The following SSH2 variants were observed in gnomAD, a reference collection of about 807,000 sequenced individuals.
The protein encoded by SSH2 is protein phosphatase Slingshot homolog 2.
In SSH2, 37 loss-of-function variants were observed where a neutral mutation model predicts 135.2. The observed-to-expected ratio is 0.27, with a 90% confidence interval of 0.21 to 0.36. SSH2 has a LOEUF of 0.36. Ranked by LOEUF, SSH2 falls within the 10% of genes least tolerant of loss-of-function variation. The probability of loss-of-function intolerance (pLI) is 1.00; values close to 1 mark genes in which losing one functional copy is unlikely to be tolerated. For synonymous variants in SSH2, 628 were observed against 646.2 expected, an observed-to-expected ratio of 0.97 and a Z score of 0.43; for missense variants, 1,408 against 1,765.3, an observed-to-expected ratio of 0.80 and a Z score of 3.63.
chr17:29,716,481 G>C, intron 3 of SSH2: 1 of 698,564 alleles, frequency 1.4e-6, no homozygotes, highest in Non-Finnish European at 2.6e-6. Context: ...CCAGCAGCAT[G>C]CTGGTTAACA....
rs534653996 is a variant in SSH2, at chr17:29,653,601, T to C, written c.1079+1960A>G. 7.2e-3 allele frequency among the ~76,000 whole-genome samples: 1,092 copies of C among 152,046 alleles called. 9 individuals are homozygous for C. The highest frequency in any genetic ancestry group is 0.035 in the South Asian group (170 of 4,808). On this transcript the variant is annotated intron_variant, in intron 12 of 15. Transcript: ENST00000540801. The stretch of plus-strand genomic sequence containing the variant: ...CCAGAAGTACAGATTTTTTTTTTTT[T>C]CCCCAGACAGAGTCTCACTCTGTTG...
chr17:29,841,320 C>CAA (rs1416152522), intron 2 of SSH2, among the ~76,000 whole-genome samples: 1 of 152,166 alleles, frequency 6.6e-6, no homozygotes, highest in African/African-American at 2.4e-5. Context: ...GTATAAAACA[C>CAA]AAAGTATAAA....
intron 3 of SSH2, among the ~76,000 whole-genome samples, chr17:29,706,676 C>T (rs1462000043): frequency 3.9e-5 from 6 of 152,140 alleles, no homozygotes; most frequent in African/African-American, 1.2e-4. Flanking sequence ...AAAATAAAGG[C>T]TAAATATTCT....
intron 3 of SSH2, among the ~76,000 whole-genome samples, chr17:29,713,911 CA>C (rs1239581858): frequency 6.6e-6 from 1 of 152,128 alleles, no homozygotes; most frequent in Non-Finnish European, 1.5e-5. Context: ...GAACTGGTCT[CA>C]AGTAACTTCC....
chr17:29,906,105 C>G (rs1339209654), intron 1 of SSH2, among the ~76,000 whole-genome samples: 1 of 152,182 alleles, frequency 6.6e-6, no homozygotes, highest in Non-Finnish European at 1.5e-5. Flanking sequence ...CTTCTTCACC[C>G]TTCATTTGTC....
chr17:29,684,207 C>T (rs1391155163), intron 6 of SSH2, among the ~76,000 whole-genome samples: 6 of 151,952 alleles, frequency 3.9e-5, no homozygotes, highest in Non-Finnish European at 7.4e-5. Flanking sequence ...TGGGGCCAGG[C>T]ACGGTGGCTC....
chr17:29,777,494 A>G (rs1487445928), intron 3 of SSH2: 1 of 152,248 alleles, frequency 6.6e-6, no homozygotes, highest in Non-Finnish European at 1.5e-5. Context: ...GTGCACTGAA[A>G]TAATGAAAAT....
intron 1 of SSH2, among the ~76,000 whole-genome samples, chr17:29,861,562 ATCT>A (rs148313746): frequency 0.02 from 2,643 of 135,022 alleles, 77 homozygotes; most frequent in African/African-American, 0.061. Context: ...CACCACCATA[ATCT>A]TCTTCTTTTT....
At chr17:29,728,334 G>A (rs554028859) in intron 3 of SSH2, among the ~76,000 whole-genome samples, 72 of 152,134 alleles carry the variant, frequency 4.7e-4, no homozygotes, top group African/African-American at 1.6e-3. Flanking sequence ...TAAATACCTC[G>A]GAATTAACCA....
chr17:29,686,314 T>C (rs918800017), intron 5 of SSH2, among the ~76,000 whole-genome samples: 2 of 152,094 alleles, frequency 1.3e-5, no homozygotes, highest in Non-Finnish European at 2.9e-5. Context: ...TCGAGTTATA[T>C]AGTCTAGGCT....
In SSH2 at chr17:29,631,680, C is replaced by G; in HGVS notation, c.3514G>C (p.Glu1172Gln). 1 of 1,614,212 alleles carries G rather than the reference C, an allele frequency of 6.2e-7. No homozygotes were observed. The highest frequency in any genetic ancestry group is 8.5e-7 in the Non-Finnish European group (1 of 1,180,038). ...QTMVHLEGFT[E>Q]QSSTTDEPSA... ...GGCTCATCTGTAGTGCTGCTCTGCT[C>G]TGTGAAGCCCTCCAGGTGAACCATA... Residue 1172 changes from glutamate (E) to glutamine (Q), a missense_variant, in exon 16 of 16, where the codon GAG becomes CAG. By Grantham distance (29) the Glu-to-Gln change is conservative. Coordinates refer to ENST00000540801, the MANE Select transcript of SSH2 (RefSeq NM_001282129.2).
At chr17:29,705,309 A>C (rs747247777) in intron 3 of SSH2, among the ~76,000 whole-genome samples, 2 of 152,278 alleles carry the variant, frequency 1.3e-5, no homozygotes, top group South Asian at 4.1e-4. Flanking sequence ...GAAAATTTCA[A>C]ACATACACAA....
In SSH2 at chr17:29,757,738, A is replaced by G. The variant is rs1300667967; in HGVS notation, c.188+36156T>C. On this transcript the variant is annotated intron_variant, in intron 3 of 15. Transcript: ENST00000540801. ...AGATGCTGTCTCTACAAAAAAAAAA[A>G]AAAAAGAGAGAGAGAGAGAATTGCT... Among the ~76,000 whole-genome samples the G allele has an allele frequency of 4.4e-5, 6 of 135,584 alleles. No homozygotes were observed. In the South Asian group the frequency reaches 1.0e-3, roughly 24 times the overall value. The allele number at this position is 135,584 out of a possible 152,430, so 88.9% of individuals were successfully genotyped here. A position where few individuals can be genotyped will look rare whatever the true frequency, so the allele number is the denominator to read the frequency against.
intron 1 of SSH2, among the ~76,000 whole-genome samples, chr17:29,854,009 G>A (rs990273532): frequency 2.0e-5 from 3 of 151,352 alleles, no homozygotes; most frequent in African/African-American, 7.3e-5. Context: ...CACTATTACT[G>A]CTGCTTCTAA....
intron 2 of SSH2, among the ~76,000 whole-genome samples, chr17:29,794,727 T>A (rs1216530731): frequency 6.6e-6 from 1 of 152,174 alleles, no homozygotes; most frequent in African/African-American, 2.4e-5. Context: ...ATTTTACAGA[T>A]GAAGAAGCAA....
chr17:29,654,850 G>T (rs1598730884), intron 12 of SSH2, among the ~76,000 whole-genome samples: 1 of 152,094 alleles, frequency 6.6e-6, no homozygotes, highest in East Asian at 1.9e-4. Flanking sequence ...TTACTACACA[G>T]GATAGGGACT....
chr17:29,764,280 A>C (rs2041394450), intron 3 of SSH2, among the ~76,000 whole-genome samples: 1 of 152,196 alleles, frequency 6.6e-6, no homozygotes, highest in Non-Finnish European at 1.5e-5. Context: ...AAAAAAATTA[A>C]ATCATCTTTG....
At chr17:29,853,753 C>T (rs138325214) in intron 1 of SSH2, among the ~76,000 whole-genome samples, 50 of 151,728 alleles carry the variant, frequency 3.3e-4, no homozygotes, top group African/African-American at 1.2e-3. Flanking sequence ...ACAATAACAT[C>T]GATCTATTAG....
intron 3 of SSH2, among the ~76,000 whole-genome samples, chr17:29,718,732 CAAAAAAAAA>C (rs752148237): frequency 2.6e-5 from 2 of 77,322 alleles, no homozygotes; most frequent in African/African-American, 6.0e-5. Flanking sequence ...GATTTCACCT[CAAAAAAAAA>C]AAAAAAAAAA....
Sources: gnomAD v4.1 joint callset for allele counts (sites outside exome capture counted in the v4.1 genomes callset) on GRCh38, gnomAD v4.1.1 for gene constraint, MANE v1.5 for transcripts, NCBI Gene and HGNC (gene_info 2026-07-23, HGNC 2026-07-21) for gene names.